KIF1A: variants seen among roughly 807,000 people sequenced by gnomAD.
KIF1A encodes kinesin family member 1A, also known as kinesin-like protein KIF1A.
A neutral mutation model predicts 227.3 loss-of-function variants in KIF1A; 46 were observed. The ratio of observed to expected loss-of-function variants is 0.20; its 90% CI spans 0.16 to 0.26. The LOEUF is 0.26. KIF1A is among the 10% of genes least tolerant of loss of function. KIF1A has a pLI of 1.00. For missense variants in KIF1A, 1,683 were observed against 2,485.9 expected (o/e 0.68, Z 6.87); for synonymous variants, 1,022 against 1,012.8 (o/e 1.01, Z -0.17).
At chr2:240,723,744 C>T (rs1017861518) in intron 41 of KIF1A, among the ~76,000 whole-genome samples, 186 bp from the exon 42 acceptor site, 1 of 152,186 alleles carries the variant, frequency 6.6e-6, no homozygotes, top group African/African-American at 2.4e-5. Flanking sequence ...TTATCCAGCC[C>T]GGCGTCCCAT....
Position 240,788,041 on chromosome 2 carries a change from C to CCCCGAGGG in KIF1A, c.363+9_363+10insCCCTCGGG. ...GCCAGGGCTGCCCCCGCCCGCCCCC[C>CCCCGAGGG]GCTTCGTGCCTGTGGGATGATGCCC... On this transcript the variant is annotated intron_variant, in intron 4 of 48. Transcript: ENST00000498729. The surrounding 1 kb of genome is among the most constrained non-coding windows in gnomAD (Gnocchi z 6.6). 1 of 1,520,662 alleles carries CCCCGAGGG rather than the reference C, an allele frequency of 6.6e-7. No homozygotes were observed. Among genetic ancestry groups the CCCCGAGGG allele is most frequent in the Non-Finnish European group, 8.9e-7 (1 of 1,121,298 alleles). The allele number at this position is 1,520,662 out of a possible 1,614,324, so 94.2% of individuals were successfully genotyped here.
intron 10 of KIF1A, among the ~76,000 whole-genome samples, chr2:240,777,995 C>T (rs1182519853): frequency 6.6e-6 from 1 of 152,206 alleles, no homozygotes; most frequent in Non-Finnish European, 1.5e-5. Context: ...CCTCAAGGAG[C>T]TCTCGCCGTT....
At chr2:240,724,151 G>A in intron 40 of KIF1A, 115 bp from the exon 41 acceptor site, 1 of 903,166 alleles carries the variant, frequency 1.1e-6, no homozygotes, top group South Asian at 1.3e-5. Context: ...TGGCTGGGGT[G>A]ATGGGGTGTT....
Position 240,761,391 on chromosome 2 carries a change from T to C in KIF1A, c.2117-14A>G. The C allele has an allele frequency of 6.4e-7, 1 of 1,571,210 alleles. No homozygotes were observed. The highest frequency in any genetic ancestry group is 8.7e-7 in the Non-Finnish European group (1 of 1,153,626). On this transcript the variant is annotated splice_polypyrimidine_tract_variant and intron_variant, in intron 23 of 48. Transcript: ENST00000498729. ...CTGTCCACTGGACTGTGGGGAGAGG[T>C]CACACGTGGTCATCGCAGGAAGGCC... is the stretch of plus-strand genomic sequence containing the variant.
intron 38 of KIF1A, among the ~76,000 whole-genome samples, chr2:240,735,812 C>A (rs1317185109): frequency 2.6e-5 from 4 of 152,178 alleles, no homozygotes; most frequent in Non-Finnish European, 5.9e-5. Context: ...TCACCTCTCC[C>A]TCTCCCAGAC....
intron 40 of KIF1A, chr2:240,724,378 G>A (rs908847767): frequency 2.7e-6 from 1 of 372,124 alleles, no homozygotes; most frequent in Non-Finnish European, 5.1e-6. Flanking sequence ...GGCGTCGAGA[G>A]CCCCTCAGGC....
chr2:240,765,830 T>A (rs2051100104), intron 19 of KIF1A, 37 bp from the exon 20 acceptor site: 2 of 1,518,282 alleles, frequency 1.3e-6, no homozygotes, highest in South Asian at 1.1e-5. Flanking sequence ...AGGAGGACTA[T>A]GAGGGGCTGT....
chr2:240,802,783 C>T (rs1336003869), intron 1 of KIF1A, among the ~76,000 whole-genome samples: 2 of 152,146 alleles, frequency 1.3e-5, no homozygotes, highest in Non-Finnish European at 2.9e-5. Context: ...GGGCATATGT[C>T]ACCATACCTG....
intron 38 of KIF1A, among the ~76,000 whole-genome samples, chr2:240,727,644 T>C (rs1164421229): frequency 6.6e-6 from 1 of 152,272 alleles, no homozygotes; most frequent in East Asian, 1.9e-4. Context: ...GGCCTCGCTG[T>C]GTTCCTAATC....
Position 240,726,986 on chromosome 2 carries a change from G to T in KIF1A, c.4008-46C>A, listed in dbSNP as rs766413532. 1.7e-6 allele frequency: 2 copies of T among 1,196,566 alleles called. No individual in the cohort carries two copies. Among genetic ancestry groups the T allele is most frequent in the African/African-American group, 1.5e-5 (1 of 66,478 alleles). 74.1% of individuals were successfully genotyped at this position (1,196,566 alleles called of 1,614,324 possible). A position where few individuals can be genotyped will look rare whatever the true frequency, so the allele number is the denominator to read the frequency against. ...AGTAGAAGTTGATGGCGTGGGGGCTGCTTTCAGCCAGGCCGGGGACATGCA... is the reference window on the plus strand; with the variant it reads ...AGTAGAAGTTGATGGCGTGGGGGCTTCTTTCAGCCAGGCCGGGGACATGCA... On this transcript the variant is annotated intron_variant, in intron 38 of 48. Coordinates refer to ENST00000498729, the MANE Select transcript of KIF1A (RefSeq NM_001244008.2). This position sits in a 1 kb window ranked among gnomAD's most constrained non-coding sequence, Gnocchi z 5.2.
intron 38 of KIF1A, among the ~76,000 whole-genome samples, chr2:240,727,970 C>A (rs1042812709): frequency 6.6e-6 from 1 of 152,172 alleles, no homozygotes; most frequent in South Asian, 2.1e-4. Flanking sequence ...CTGAGCAGCA[C>A]GTTCAGCTCG....
Position 240,764,894 on chromosome 2 carries a change from C to G in KIF1A, c.1768+816G>C, listed in dbSNP as rs1210388952. Among the ~76,000 whole-genome samples the G allele has an allele frequency of 3.3e-5, 5 of 152,228 alleles. No individual in the cohort carries two copies. The East Asian group carries it at 9.7e-4, about 29-fold the overall frequency. ...GGAGTCCACTCCTGCCAAGTTCCCACCCTGCCCCGAGTTCCCAGCCTGCCC... is the reference window on the plus strand; with the variant it reads ...GGAGTCCACTCCTGCCAAGTTCCCAGCCTGCCCCGAGTTCCCAGCCTGCCC... On this transcript the variant is annotated intron_variant, in intron 20 of 48. Transcript: ENST00000498729.
In KIF1A at chr2:240,724,014, C is replaced by G. The variant is rs576169931; in HGVS notation, c.4279G>C (p.Glu1427Gln). ...SESNRVTGVY[E>Q]LSLCHVADAG... Reference sequence around the variant, plus strand: ...TCAGCCACGTGGCACAGGCTGAGCTCGTACACACCAGTCACACGGTTACTG... The same window carrying G: ...TCAGCCACGTGGCACAGGCTGAGCTGGTACACACCAGTCACACGGTTACTG... The change falls in exon 41 of 49, where the codon GAG (glutamate) becomes CAG (glutamine). Residue 1427 changes from glutamate to glutamine, a missense_variant. This residue lies in a region of KIF1A where 759 missense variants were observed against 1,020.2 expected (regional missense o/e 0.74). Transcript: ENST00000498729. The G allele has an allele frequency of 2.5e-6, 4 of 1,612,610 alleles. No homozygotes were observed. Among genetic ancestry groups the G allele is most frequent in the South Asian group, 1.1e-5 (1 of 91,088 alleles).
In KIF1A at chr2:240,789,375, A is replaced by G; in HGVS notation, c.107-63T>C. The G allele has an allele frequency of 7.4e-7, 1 of 1,359,300 alleles. No individual in the cohort carries two copies. 84.2% of individuals were successfully genotyped at this position (1,359,300 alleles called of 1,614,324 possible). On this transcript the variant is annotated intron_variant, in intron 2 of 48. Coordinates refer to ENST00000498729, the MANE Select transcript of KIF1A (RefSeq NM_001244008.2). The surrounding 1 kb of genome is among the most constrained non-coding windows in gnomAD (Gnocchi z 4.8). ...GAGGGCCCCTGACTAGCTGGCATCT[A>G]CACTCCAAGGTGGGGAGATGGTCTT...
intron 14 of KIF1A, 109 bp from the exon 15 acceptor site, chr2:240,771,213 CAGAG>C (rs1490437219): frequency 7.6e-6 from 10 of 1,324,024 alleles, no homozygotes; most frequent in Non-Finnish European, 1.1e-5. Flanking sequence ...GGCAGACAGA[CAGAG>C]GGAGGGAGAG....
rs1438039466 is a variant in KIF1A at position 240,773,162 on chromosome 2, G to A, written c.1132C>T (p.Arg378Trp). Residue 378 changes from arginine to tryptophan, a missense_variant, in exon 13 of 49, where the codon CGG becomes TGG. Around this residue, in one of 12 missense-constraint regions of KIF1A, gnomAD observed 110 missense variants for 133.1 expected, o/e 0.83. Coordinates refer to ENST00000498729, the MANE Select transcript of KIF1A (RefSeq NM_001244008.2). ...LIRELKDEVT[R>W]LRDLLYAQGL... ...TGGGCGTACAGAAGGTCCCGCAGCC[G>A]GGTCACCTCATCCTTCAGCTCGCGG... 6 of 1,613,920 alleles carry A rather than the reference G, an allele frequency of 3.7e-6. No homozygotes were observed. The highest frequency in any genetic ancestry group is 2.2e-5 in the South Asian group (2 of 91,084).
At chr2:240,805,664 GA>G (rs35398632) in intron 1 of KIF1A, among the ~76,000 whole-genome samples, 57,223 of 151,974 alleles carry the variant, frequency 0.38, 11,463 homozygotes, top group African/African-American at 0.52. Context: ...GCCTCTCGCA[GA>G]AAATTAGAGC....
At chr2:240,731,621 C>T (rs1054598598) in intron 38 of KIF1A, among the ~76,000 whole-genome samples, 4 of 152,184 alleles carry the variant, frequency 2.6e-5, no homozygotes, top group Non-Finnish European at 5.9e-5. Context: ...AGGGGCTCGG[C>T]CCTGACCGGG....
chr2:240,765,880 C>G (rs2051108917), intron 19 of KIF1A, 87 bp from the exon 20 acceptor site: 6 of 918,096 alleles, frequency 6.5e-6, no homozygotes, highest in Non-Finnish European at 1.1e-5. Context: ...CCGGGCATGG[C>G]CTCTTCCAAG....
Sources: gnomAD v4.1 joint callset for allele counts (sites outside exome capture counted in the v4.1 genomes callset) on GRCh38, gnomAD v4.1.1 for gene constraint, gnomAD v4.1.1 regional missense constraint, Gnocchi (gnomAD v3.1) non-coding constraint, MANE v1.5 for transcripts, NCBI Gene and HGNC (gene_info 2026-07-23, HGNC 2026-07-21) for gene names.